DNAH7: variants seen among roughly 807,000 people sequenced by gnomAD.
DNAH7 encodes axonemal beta dynein heavy chain 7.
A neutral mutation model predicts 444.6 loss-of-function variants in DNAH7; 397 were observed. The observed-to-expected ratio is 0.89, with a 90% CI of 0.82 to 0.97. The LOEUF (loss-of-function observed/expected upper bound fraction) is 0.97. DNAH7 is among the 50% of genes least tolerant of loss of function. DNAH7 has a pLI of 0.00. For missense variants in DNAH7, 4,902 were observed against 4,800.8 expected (o/e 1.02, Z -0.62); for synonymous variants, 1,636 against 1,624.4 (o/e 1.01, Z -0.17).
chr2:195,792,137 A>C (rs1489098487), intron 57 of DNAH7, among the ~76,000 whole-genome samples: 2 of 147,480 alleles, frequency 1.4e-5, no homozygotes, highest in South Asian at 4.4e-4. Flanking sequence ...ACTGCAATCC[A>C]ACCTGGGCAA....
intron 17 of DNAH7, among the ~76,000 whole-genome samples, chr2:195,967,572 G>C (rs535551391): frequency 6.6e-6 from 1 of 152,156 alleles, no homozygotes; most frequent in South Asian, 2.1e-4. Context: ...GTTTGTCTGG[G>C]AAAGTCTGTC....
At chr2:195,812,007 T>C (rs1460417375) in intron 51 of DNAH7, among the ~76,000 whole-genome samples, 2 of 152,168 alleles carry the variant, frequency 1.3e-5, no homozygotes. Context: ...AACATCACTA[T>C]TGTAGAACCT....
At chr2:195,960,062 TATA>T (rs1325368741) in intron 18 of DNAH7, among the ~76,000 whole-genome samples, 195 bp downstream of exon 18, 1 of 152,188 alleles carries the variant, frequency 6.6e-6, no homozygotes, top group African/African-American at 2.4e-5. Context: ...AGCCATTGAT[TATA>T]ATATCTTTAA....
intron 19 of DNAH7, among the ~76,000 whole-genome samples, chr2:195,938,084 G>A (rs1296294682): frequency 6.6e-6 from 1 of 151,958 alleles, no homozygotes; most frequent in Non-Finnish European, 1.5e-5. Flanking sequence ...TTCAATTGCA[G>A]GAGTCTCTAA....
chr2:195,778,424 G>A (rs932208429), intron 58 of DNAH7, among the ~76,000 whole-genome samples: 7 of 150,088 alleles, frequency 4.7e-5, no homozygotes, highest in Middle Eastern at 6.8e-3. Flanking sequence ...AATCACTTGA[G>A]CCCAGTAGTT....
chr2:196,055,279 G>C (rs758256004), intron 2 of DNAH7, among the ~76,000 whole-genome samples: 2 of 152,040 alleles, frequency 1.3e-5, no homozygotes, highest in African/African-American at 2.4e-5. Context: ...GGAGGTAGAG[G>C]CTATAGTGAG....
chr2:195,778,618 G>GGA (rs1365539221), intron 58 of DNAH7, among the ~76,000 whole-genome samples: 326 of 21,702 alleles, frequency 0.015, 25 homozygotes, highest in African/African-American at 0.046. Flanking sequence ...GACCCTGTCT[G>GGA]AAAAAAAAAA....
At chr2:195,817,646 C>T in intron 50 of DNAH7, 50 bp downstream of exon 50, 3 of 1,516,962 alleles carry the variant, frequency 2.0e-6, no homozygotes, top group Non-Finnish European at 2.7e-6. Flanking sequence ...TTAATTCATT[C>T]TAGTGATCTA....
At position 196,019,291 on chromosome 2, in the gene DNAH7, C is replaced by T; in HGVS notation, c.748G>A (p.Glu250Lys). Residue 250 changes from glutamate to lysine, a missense_variant, in exon 9 of 65, where the codon GAA (glutamate) becomes AAA (lysine). By Grantham distance (56) the Glu-to-Lys change is moderately conservative. Coordinates refer to ENST00000312428, the MANE Select transcript of DNAH7 (RefSeq NM_018897.3). ...DELPAHRAEM[E>K]ILPKPWRKSF... is the part of the protein sequence containing the mutation. ...TTCCTCCAAGGTTTTGGCAGAATTT[C>T]CATTCTGAAAACAAAGAAAATATTT... The T allele has an allele frequency of 6.8e-7, 1 of 1,473,276 alleles. No homozygotes were observed. The highest frequency in any genetic ancestry group is 9.1e-7 in the Non-Finnish European group (1 of 1,095,656). The allele number at this position is 1,473,276 out of a possible 1,614,324, so 91.3% of individuals were successfully genotyped here.
chr2:195,906,650 C>T lies in DNAH7; in HGVS notation c.4335+9G>A, dbSNP rs1399938053. Reference sequence around the variant, plus strand: ...GAAGAAATAGATTATATAATAACTCCTTCCATACCTTCAGGTTATCTGGCA... The same window carrying T: ...GAAGAAATAGATTATATAATAACTCTTTCCATACCTTCAGGTTATCTGGCA... On this transcript the variant is annotated intron_variant, in intron 27 of 64. Transcript: ENST00000312428. 6.2e-7 allele frequency: 1 copy of T among 1,607,938 alleles called. No homozygotes were observed. The highest frequency in any genetic ancestry group is 8.5e-7 in the Non-Finnish European group (1 of 1,177,534).
chr2:195,993,419 TA>T (rs572075789), intron 12 of DNAH7, among the ~76,000 whole-genome samples: 20 of 151,708 alleles, frequency 1.3e-4, no homozygotes, highest in African/African-American at 3.6e-4. Flanking sequence ...AAATGGCAGC[TA>T]AAAAAAATAC....
At chr2:195,943,388 GT>G (rs1290405276) in intron 19 of DNAH7, among the ~76,000 whole-genome samples, 2 of 152,138 alleles carry the variant, frequency 1.3e-5, no homozygotes, top group Non-Finnish European at 2.9e-5. Context: ...CATATGCAAT[GT>G]TGTGTGGAAA....
chr2:195,799,269 C>G, intron 55 of DNAH7, 27 bp downstream of exon 55: 1 of 1,453,574 alleles, frequency 6.9e-7, no homozygotes, highest in Non-Finnish European at 9.1e-7. Flanking sequence ...AAAATAATAT[C>G]CGATAACTTC....
chr2:196,011,127 G>A (rs1417856394), intron 10 of DNAH7, among the ~76,000 whole-genome samples: 1 of 152,206 alleles, frequency 6.6e-6, no homozygotes, highest in East Asian at 1.9e-4. Flanking sequence ...AGAATTTATA[G>A]TATATTCCAA....
chr2:195,741,648 T>A (rs577823477), intron 63 of DNAH7, among the ~76,000 whole-genome samples: 13 of 152,362 alleles, frequency 8.5e-5, no homozygotes, highest in Middle Eastern at 3.4e-3. Flanking sequence ...TTTTGTCATC[T>A]GGAGAACAAC....
chr2:195,743,623 T>A (rs1237346542), intron 63 of DNAH7, among the ~76,000 whole-genome samples: 1 of 152,180 alleles, frequency 6.6e-6, no homozygotes, highest in Non-Finnish European at 1.5e-5. Flanking sequence ...TCAGGTGGGA[T>A]CTATGTCCCT....
chr2:195,866,644 A>G (rs942751291), intron 40 of DNAH7, among the ~76,000 whole-genome samples: 1 of 152,272 alleles, frequency 6.6e-6, no homozygotes, highest in Non-Finnish European at 1.5e-5. Context: ...CATTAAAATC[A>G]TCTGAGGTAC....
rs542648582 is a variant in DNAH7 at position 195,930,152 on chromosome 2, G to A, written c.3472-3586C>T. On this transcript the variant is annotated intron_variant, in intron 21 of 64. Transcript: ENST00000312428. ...GAGGTCAAGAGATTGAGACCATCCT[G>A]GTCAACACGATGAAACCACGTCTCT... Among the ~76,000 whole-genome samples the A allele has an allele frequency of 4.6e-5, 7 of 152,214 alleles. No individual in the cohort carries two copies. The South Asian group carries it at 1.5e-3, about 32-fold the overall frequency.
chr2:195,855,824 T>A lies in DNAH7; in HGVS notation c.8582A>T (p.Asp2861Val), dbSNP rs780295794. The part of the protein sequence containing the change: ...TLELNKQKKA[D>V]LENQVDLCSK... The stretch of plus-strand genomic sequence containing the variant: ...ATCAGCACACACCTGGTTTTCCAGG[T>A]CAGCCTTCTTTTGTTTATTTAATTC... Residue 2861 changes from aspartate (D) to valine (V), a missense_variant, in exon 45 of 65, where the codon GAC (aspartate) becomes GTC (valine). Transcript: ENST00000312428. The A allele has an allele frequency of 5.6e-6, 9 of 1,612,976 alleles. No homozygotes were observed. The Admixed American group carries it at 1.5e-4, about 27-fold the overall frequency.
Sources: gnomAD v4.1 joint callset for allele counts (sites outside exome capture counted in the v4.1 genomes callset) on GRCh38, gnomAD v4.1.1 for gene constraint, MANE v1.5 for transcripts, NCBI Gene and HGNC (gene_info 2026-07-23, HGNC 2026-07-21) for gene names.